TMEM236: variants seen among roughly 807,000 people sequenced by gnomAD.
TMEM236 encodes the protein transmembrane protein 236, also known as family with sequence similarity 23, member A.
TMEM236 carries 11 observed loss-of-function variants against 14.7 expected under a neutral mutation model. The ratio of observed to expected loss-of-function variants is 0.75; its 90% CI spans 0.47 to 1.24. The LOEUF (loss-of-function observed/expected upper bound fraction) is 1.24. TMEM236 is among the 50% of genes most tolerant of loss of function. The pLI is 0.00. For synonymous variants in TMEM236, 182 were observed against 168.6 expected, an observed-to-expected ratio of 1.08 and a Z score of -0.62; for missense variants, 464 against 427.3, an observed-to-expected ratio of 1.09 and a Z score of -0.76.
Position 17,776,048 on chromosome 10 carries a change from G to T in TMEM236, c.350G>T (p.Gly117Val), listed in dbSNP as rs1837653746. 1.2e-6 allele frequency: 2 copies of T among 1,613,646 alleles called. No individual in the cohort carries two copies. Among genetic ancestry groups the T allele is most frequent in the African/African-American group, 2.7e-5 (2 of 74,854 alleles). The change falls in exon 3 of 4, where the codon GGG (glycine) becomes GTG (valine). Residue 117 changes from glycine to valine, a missense_variant. Transcript: ENST00000377495. ...AVTEVQKSINGSADVLPDMLP... is the reference protein window; with the variant it reads ...AVTEVQKSINVSADVLPDMLP... ...AAACAGGTTCAAAAGAGCATTAATG[G>T]GTCCGCTGATGTCTTACCTGATATG...
intron 1 of TMEM236, among the ~76,000 whole-genome samples, chr10:17,761,879 G>T (rs1837370184): frequency 6.6e-6 from 1 of 152,074 alleles, no homozygotes; most frequent in Non-Finnish European, 1.5e-5. Flanking sequence ...ATTCTACAGA[G>T]AACTCACTAC....
At chr10:17,774,154 C>T (rs983194448) in intron 2 of TMEM236, among the ~76,000 whole-genome samples, 261 of 152,242 alleles carry the variant, frequency 1.7e-3, no homozygotes, top group African/African-American at 6.0e-3. Flanking sequence ...AAGTGATTCT[C>T]ACCTCTCAGC....
Position 17,796,834 on chromosome 10 carries a change from GC to G in TMEM236, c.*331del. The stretch of plus-strand genomic sequence containing the variant: ...TCCGTGATCTGTTAGCAAGCAGACC[GC>G]ACAGCACGTGGTGAACCTCAAACTG... On this transcript the variant is annotated 3_prime_UTR_variant, in exon 4 of 4. Transcript: ENST00000377495. 1 of 341,188 alleles carries G rather than the reference GC, an allele frequency of 2.9e-6. No homozygotes were observed. The highest frequency in any genetic ancestry group is 5.5e-6 in the Non-Finnish European group (1 of 182,746). The allele number at this position is 341,188 out of a possible 1,614,324, so 21.1% of individuals were successfully genotyped here. A position where few individuals can be genotyped will look rare whatever the true frequency, so the allele number is the denominator to read the frequency against.
chr10:17,767,653 G>A (rs563515001), intron 1 of TMEM236, among the ~76,000 whole-genome samples: 1 of 152,222 alleles, frequency 6.6e-6, no homozygotes, highest in East Asian at 1.9e-4. Flanking sequence ...GAACTTGGAT[G>A]AGAAACAATT....
At chr10:17,764,962 C>T (rs952326213) in intron 1 of TMEM236, among the ~76,000 whole-genome samples, 2 of 151,332 alleles carry the variant, frequency 1.3e-5, no homozygotes, top group Admixed American at 6.6e-5. Flanking sequence ...GCTGGGACTA[C>T]AGGCGCGCAC....
At chr10:17,790,522 G>T (rs1479177007) in intron 3 of TMEM236, among the ~76,000 whole-genome samples, 2 of 152,242 alleles carry the variant, frequency 1.3e-5, no homozygotes, top group Admixed American at 1.3e-4. Flanking sequence ...TGGCAACAGA[G>T]TGAGACCATG....
At chr10:17,768,367 T>C (rs1463839986) in intron 1 of TMEM236, among the ~76,000 whole-genome samples, 1 of 152,162 alleles carries the variant, frequency 6.6e-6, no homozygotes, top group Non-Finnish European at 1.5e-5. Flanking sequence ...ACATAATTCT[T>C]TAAAAAAGAA....
intron 1 of TMEM236, among the ~76,000 whole-genome samples, chr10:17,755,486 T>C (rs1837272558): frequency 1.3e-5 from 2 of 152,140 alleles, no homozygotes; most frequent in South Asian, 4.1e-4. Context: ...CCAGGAGACT[T>C]TCATTTTCCC....
chr10:17,765,520 C>T (rs1211360910), intron 1 of TMEM236, among the ~76,000 whole-genome samples: 1 of 152,152 alleles, frequency 6.6e-6, no homozygotes, highest in Non-Finnish European at 1.5e-5. Context: ...AGTTTCTTTC[C>T]ATCTGCAAAC....
chr10:17,793,235 A>G (rs1373483692), intron 3 of TMEM236, among the ~76,000 whole-genome samples: 4 of 152,216 alleles, frequency 2.6e-5, no homozygotes, highest in Admixed American at 6.5e-5. Context: ...TGAAATGTTA[A>G]GACTCTCCCT....
intron 3 of TMEM236, among the ~76,000 whole-genome samples, chr10:17,788,587 C>CA (rs1299358068): frequency 2.2e-3 from 133 of 61,118 alleles, no homozygotes; most frequent in East Asian, 3.3e-3. Flanking sequence ...CCCATCTCTA[C>CA]AAAAAAAAAA....
chr10:17,798,784 G>A lies in TMEM236; in HGVS notation c.*2280G>A, dbSNP rs930195798. The A allele has an allele frequency of 5.4e-5, 26 of 480,276 alleles. No individual in the cohort carries two copies. The highest frequency in any genetic ancestry group is 3.3e-4 in the Middle Eastern group (1 of 3,018). 29.8% of individuals were successfully genotyped at this position (480,276 alleles called of 1,614,324 possible). A position where few individuals can be genotyped will look rare whatever the true frequency, so the allele number is the denominator to read the frequency against. ...TACTAGTACTACATTAATAGGGTTA[G>A]GAGGGTTAAAGGGTAAAGAGTCCTT... is the stretch of plus-strand genomic sequence containing the variant. On this transcript the variant is annotated 3_prime_UTR_variant, in exon 4 of 4. Transcript: ENST00000377495.
chr10:17,764,904 C>T (rs1837437248), intron 1 of TMEM236, among the ~76,000 whole-genome samples: 1 of 140,324 alleles, frequency 7.1e-6, no homozygotes, highest in Non-Finnish European at 1.5e-5. Context: ...GCGATCTTGG[C>T]TCACCTCAAC....
chr10:17,791,935 C>T (rs1325666801), intron 3 of TMEM236, among the ~76,000 whole-genome samples: 7 of 152,192 alleles, frequency 4.6e-5, no homozygotes, highest in African/African-American at 4.8e-5. Context: ...CATTTGCCAA[C>T]GTCTGTCTAG....
intron 3 of TMEM236, among the ~76,000 whole-genome samples, chr10:17,783,120 T>C (rs3858193): frequency 0.043 from 6,537 of 151,894 alleles, 291 homozygotes; most frequent in East Asian, 0.22. Context: ...ATGGAGAGAG[T>C]TAACTGCCTC....
At chr10:17,763,222 C>A (rs1837405363) in intron 1 of TMEM236, among the ~76,000 whole-genome samples, 2 of 152,000 alleles carry the variant, frequency 1.3e-5, no homozygotes, top group South Asian at 4.2e-4. Context: ...TAGGCTGAGG[C>A]AAGAAGATTG....
intron 3 of TMEM236, among the ~76,000 whole-genome samples, chr10:17,784,342 T>C (rs1256027805): frequency 6.6e-6 from 1 of 152,254 alleles, no homozygotes; most frequent in East Asian, 1.9e-4. Context: ...GATTCTATTG[T>C]ATTTCTTCTG....
At chr10:17,791,409 G>A (rs1293653389) in intron 3 of TMEM236, among the ~76,000 whole-genome samples, 1 of 152,176 alleles carries the variant, frequency 6.6e-6, no homozygotes, top group Non-Finnish European at 1.5e-5. Context: ...AGTGCGCTAT[G>A]ATTGTGCCAC....
chr10:17,769,657 T>C (rs1048408525), intron 1 of TMEM236, among the ~76,000 whole-genome samples: 1 of 152,278 alleles, frequency 6.6e-6, no homozygotes, highest in Non-Finnish European at 1.5e-5. Flanking sequence ...CAGACAAAGC[T>C]ACCAGTTGAA....
Sources: gnomAD v4.1 joint callset for allele counts (sites outside exome capture counted in the v4.1 genomes callset) on GRCh38, gnomAD v4.1.1 for gene constraint, MANE v1.5 for transcripts, NCBI Gene and HGNC (gene_info 2026-07-23, HGNC 2026-07-21) for gene names.